Variants in ATP11B observed in about 807,000 individuals in gnomAD.
ATP11B encodes the protein ATPase phospholipid transporting 11B (putative), also known as phospholipid-transporting ATPase IF.
A neutral mutation model predicts 157.8 loss-of-function variants in ATP11B; 81 were observed. That is an observed-to-expected ratio of 0.51 (90% CI 0.43 to 0.62). ATP11B has a LOEUF of 0.62. Ranked by LOEUF, ATP11B falls within the 20% of genes least tolerant of loss-of-function variation. The pLI, the probability that ATP11B is intolerant of heterozygous loss-of-function variation, is 0.00. For missense variants in ATP11B, 1,165 were observed against 1,402.2 expected (o/e 0.83, Z 2.70); for synonymous variants, 451 against 469.4 (o/e 0.96, Z 0.51).
chr3:182,862,011 C>A (rs929285400), intron 12 of ATP11B, among the ~76,000 whole-genome samples: 5 of 151,480 alleles, frequency 3.3e-5, no homozygotes, highest in Non-Finnish European at 5.9e-5. Context: ...TTTGGGAGGC[C>A]AAGGTGGGTA....
At chr3:182,916,054 G>T (rs1032912460) in intron 29 of ATP11B, 1 of 985,140 alleles carries the variant, frequency 1.0e-6, no homozygotes. Context: ...AGGGGATAAA[G>T]TCATATAATA....
chr3:182,832,598 T>C (rs553670626), intron 4 of ATP11B, among the ~76,000 whole-genome samples: 2 of 152,324 alleles, frequency 1.3e-5, no homozygotes, highest in African/African-American at 4.8e-5. Context: ...CTTTTCCCTT[T>C]GTACTTCTAT....
intron 28 of ATP11B, among the ~76,000 whole-genome samples, chr3:182,907,151 G>A (rs544925657): frequency 2.0e-5 from 3 of 152,002 alleles, no homozygotes; most frequent in South Asian, 2.1e-4. Flanking sequence ...CTCTTCTCTC[G>A]AGGAATAACC....
At chr3:182,902,219 TC>T (rs991226112) in intron 28 of ATP11B, among the ~76,000 whole-genome samples, 1 of 152,186 alleles carries the variant, frequency 6.6e-6, no homozygotes, top group Admixed American at 6.5e-5. Context: ...AAAAACCATA[TC>T]AAAGGAAGAG....
At chr3:182,802,124 G>T (rs917820821) in intron 1 of ATP11B, among the ~76,000 whole-genome samples, 1 of 152,008 alleles carries the variant, frequency 6.6e-6, no homozygotes, top group African/African-American at 2.4e-5. Context: ...TAAGTGTTTG[G>T]GGAGCAAATC....
At chr3:182,900,945 G>A (rs904540043) in intron 28 of ATP11B, among the ~76,000 whole-genome samples, 1 of 151,898 alleles carries the variant, frequency 6.6e-6, no homozygotes. Context: ...ACTTTGGGAG[G>A]CCGAGGCAGG....
At chr3:182,826,072 A>G (rs886515108) in intron 2 of ATP11B, among the ~76,000 whole-genome samples, 3 of 152,216 alleles carry the variant, frequency 2.0e-5, no homozygotes, top group African/African-American at 7.2e-5. Context: ...TTTAAAGCAT[A>G]ATAAATTATT....
chr3:182,858,915 A>G (rs1720624858), intron 11 of ATP11B, among the ~76,000 whole-genome samples: 1 of 152,178 alleles, frequency 6.6e-6, no homozygotes, highest in Non-Finnish European at 1.5e-5. Context: ...GTAACGAATT[A>G]AGTTACTTGA....
chr3:182,799,310 G>A (rs1271813419), intron 1 of ATP11B, among the ~76,000 whole-genome samples: 4 of 147,032 alleles, frequency 2.7e-5, no homozygotes, highest in African/African-American at 7.7e-5. Context: ...AGACAGTTTC[G>A]CTCTTTCGCC....
intron 1 of ATP11B, among the ~76,000 whole-genome samples, chr3:182,809,308 G>A (rs1382453240): frequency 1.3e-5 from 2 of 151,784 alleles, no homozygotes; most frequent in Non-Finnish European, 2.9e-5. Context: ...GAGTGCAATG[G>A]TGCCATCTCC....
intron 1 of ATP11B, among the ~76,000 whole-genome samples, chr3:182,805,148 A>G (rs1301913428): frequency 6.6e-6 from 1 of 152,168 alleles, no homozygotes; most frequent in Non-Finnish European, 1.5e-5. Context: ...TAAAGAGTAG[A>G]CTTTTATTGG....
At chr3:182,891,752 T>G (rs1723189864) in intron 25 of ATP11B, among the ~76,000 whole-genome samples, 1 of 152,208 alleles carries the variant, frequency 6.6e-6, no homozygotes, top group Non-Finnish European at 1.5e-5. Context: ...TGCCACTCCC[T>G]ACCTCCAATA....
intron 28 of ATP11B, among the ~76,000 whole-genome samples, chr3:182,904,877 G>C (rs1241633380): frequency 7.0e-6 from 1 of 143,458 alleles, no homozygotes; most frequent in Non-Finnish European, 1.5e-5. Context: ...CAGCAGAGTG[G>C]GACTTCTTCT....
rs768405595 is a variant in ATP11B at position 182,896,813 on chromosome 3, ATAGT to A, written c.3048+55_3048+58del. The A allele has an allele frequency of 7.7e-5, 106 of 1,384,040 alleles. No individual in the cohort carries two copies. The East Asian group carries it at 8.3e-4, about 11-fold the overall frequency. 85.7% of individuals were successfully genotyped at this position (1,384,040 alleles called of 1,614,324 possible). ...GTGGACACATTTTGCAACTGTTTAC[ATAGT>A]TAGTTAACTTTCTTCATTTCTTTAG... is the stretch of plus-strand genomic sequence containing the variant. On this transcript the variant is annotated intron_variant, in intron 26 of 29. Coordinates refer to ENST00000323116, the MANE Select transcript of ATP11B (RefSeq NM_014616.3).
At chr3:182,913,752 AGGTTT>A in intron 28 of ATP11B, 104 bp from the exon 29 acceptor site, 7 of 1,542,296 alleles carry the variant, frequency 4.5e-6, no homozygotes, top group Non-Finnish European at 5.3e-6. Flanking sequence ...AAAAACATGT[AGGTTT>A]ATATATGTTA....
intron 18 of ATP11B, 120 bp from the exon 19 acceptor site, chr3:182,873,689 TATA>T (rs1156499603): frequency 3.9e-6 from 3 of 767,122 alleles, no homozygotes; most frequent in Non-Finnish European, 6.2e-6. Context: ...TGCTATATTG[TATA>T]ATAACATTCC....
At chr3:182,894,861 T>C (rs1456669728) in intron 25 of ATP11B, among the ~76,000 whole-genome samples, 1 of 151,634 alleles carries the variant, frequency 6.6e-6, no homozygotes, top group African/African-American at 2.4e-5. Flanking sequence ...CTCATACCTA[T>C]AGTCCTAGCA....
intron 1 of ATP11B, among the ~76,000 whole-genome samples, chr3:182,818,888 T>C (rs1344504116): frequency 6.9e-6 from 1 of 145,228 alleles, no homozygotes; most frequent in Non-Finnish European, 1.5e-5. Context: ...TGCTTAGTAG[T>C]ACTAGTAAAT....
chr3:182,871,878 C>G (rs1721685340), intron 17 of ATP11B, among the ~76,000 whole-genome samples: 1 of 151,564 alleles, frequency 6.6e-6, no homozygotes, highest in Non-Finnish European at 1.5e-5. Flanking sequence ...TGCAGTGATG[C>G]TATTTCGGCT....
Sources: allele counts gnomAD v4.1 joint callset (sites outside exome capture counted in the v4.1 genomes callset), GRCh38; gene constraint gnomAD v4.1.1; transcripts MANE v1.5; gene names NCBI Gene and HGNC (gene_info 2026-07-23, HGNC 2026-07-21).